The following RASAL2 variants were observed in gnomAD, a reference collection of about 807,000 sequenced individuals.
RASAL2 encodes ras GTPase-activating protein nGAP.
In RASAL2, 58 loss-of-function variants were observed where a neutral mutation model predicts 128.9. The observed-to-expected ratio is 0.45, with a 90% CI of 0.36 to 0.56. RASAL2 has a LOEUF of 0.56. Ranked by LOEUF, RASAL2 falls within the 20% of genes least tolerant of loss-of-function variation. RASAL2 has a pLI of 0.00. For synonymous variants in RASAL2, 561 were observed against 580.8 expected (o/e 0.97, Z 0.49); for missense variants, 1,360 against 1,601.6 (o/e 0.85, Z 2.57).
rs1052577196 is a variant in RASAL2, at chr1:178,190,550, C to T, written c.203-93014C>T. 2.6e-5 allele frequency among the ~76,000 whole-genome samples: 4 copies of T among 152,180 alleles called. No homozygotes were observed. The South Asian group carries it at 8.3e-4, about 32-fold the overall frequency. The stretch of plus-strand genomic sequence containing the variant: ...TCATTGAAATCTAAAAAGAAAGCTG[C>T]TACTGATAAGATTGACAGGAAGGAA... On this transcript the variant is annotated intron_variant, in intron 1 of 17. Transcript: ENST00000367649.
At chr1:178,343,539 A>G (rs139463548) in intron 3 of RASAL2, among the ~76,000 whole-genome samples, 1 of 152,204 alleles carries the variant, frequency 6.6e-6, no homozygotes. Context: ...GTGTGTGTAT[A>G]TTATATGATA....
At chr1:178,236,984 G>A (rs547627482) in intron 1 of RASAL2, among the ~76,000 whole-genome samples, 6 of 151,810 alleles carry the variant, frequency 4.0e-5, no homozygotes, top group Non-Finnish European at 7.4e-5. Context: ...GGCTGGTCTC[G>A]AACTTCTGAT....
chr1:178,450,282 A>G (rs2017349), intron 9 of RASAL2, among the ~76,000 whole-genome samples: 52,664 of 151,972 alleles, frequency 0.35, 12,981 homozygotes, highest in African/African-American at 0.7. Context: ...CTACAGGATG[A>G]TTGCTATTAA....
At chr1:178,460,211 G>T (rs536065921) in intron 14 of RASAL2, among the ~76,000 whole-genome samples, 1 of 152,354 alleles carries the variant, frequency 6.6e-6, no homozygotes, top group East Asian at 1.9e-4. Context: ...ATGAGATCTG[G>T]CAGAGAGGGA....
intron 1 of RASAL2, among the ~76,000 whole-genome samples, chr1:178,268,785 C>T (rs1308592930): frequency 6.6e-6 from 1 of 152,132 alleles, no homozygotes; most frequent in African/African-American, 2.4e-5. Context: ...AAAGATGGCA[C>T]ATAGGCAGAA....
intron 1 of RASAL2, among the ~76,000 whole-genome samples, chr1:178,279,313 T>C (rs1315770178): frequency 6.6e-6 from 1 of 152,168 alleles, no homozygotes; most frequent in African/African-American, 2.4e-5. Flanking sequence ...CACAAACAAC[T>C]AGAAAGTTAC....
intron 1 of RASAL2, among the ~76,000 whole-genome samples, chr1:178,209,208 A>G (rs997366927): frequency 6.6e-6 from 1 of 152,022 alleles, no homozygotes; most frequent in African/African-American, 2.4e-5. Context: ...TGTGTCCATT[A>G]TCTTTTGTCT....
chr1:178,219,959 C>A (rs1433403186), intron 1 of RASAL2, among the ~76,000 whole-genome samples: 2 of 152,074 alleles, frequency 1.3e-5, no homozygotes, highest in South Asian at 2.1e-4. Context: ...TGGCTGGTAC[C>A]CTCCTCTCAG....
chr1:178,113,527 T>A (rs1659415646), intron 1 of RASAL2, among the ~76,000 whole-genome samples: 1 of 137,956 alleles, frequency 7.2e-6, no homozygotes, highest in Non-Finnish European at 1.7e-5. Flanking sequence ...TGTGTGTGTG[T>A]GTGTGTGTGT....
In RASAL2 at chr1:178,165,250, C is replaced by T. The variant is rs184616897; in HGVS notation, c.202+70556C>T. On this transcript the variant is annotated intron_variant, in intron 1 of 17. Transcript: ENST00000367649. ...ATATGTGTATATATGTCTATAGTTA[C>T]ATATGAATGTGTATGTACAGTTAGC... Among the ~76,000 whole-genome samples, 175 of 152,146 alleles carry T rather than the reference C, an allele frequency of 1.2e-3. 1 individual carries two copies. The Middle Eastern group carries it at 0.014, about 12-fold the overall frequency.
chr1:178,347,546 T>C (rs887609606), intron 3 of RASAL2, among the ~76,000 whole-genome samples: 1 of 152,186 alleles, frequency 6.6e-6, no homozygotes, highest in Non-Finnish European at 1.5e-5. Context: ...GATGACCATT[T>C]AGTATATAAC....
intron 1 of RASAL2, among the ~76,000 whole-genome samples, chr1:178,267,437 A>G (rs1442477883): frequency 6.7e-6 from 1 of 148,710 alleles, no homozygotes; most frequent in Non-Finnish European, 1.5e-5. Context: ...TTATTATGCC[A>G]TGCTGAGTAT....
chr1:178,294,731 C>T (rs1667419397), intron 2 of RASAL2, among the ~76,000 whole-genome samples: 1 of 152,188 alleles, frequency 6.6e-6, no homozygotes, highest in African/African-American at 2.4e-5. Context: ...CTGCTGCATA[C>T]TATTTTCCAA....
intron 1 of RASAL2, among the ~76,000 whole-genome samples, chr1:178,255,405 G>T (rs1354471553): frequency 6.6e-6 from 1 of 151,936 alleles, no homozygotes; most frequent in Non-Finnish European, 1.5e-5. Context: ...ATATAGAAAC[G>T]TAATATATCA....
At chr1:178,447,455 C>T (rs978499186) in intron 9 of RASAL2, among the ~76,000 whole-genome samples, 4 of 151,834 alleles carry the variant, frequency 2.6e-5, no homozygotes, top group East Asian at 3.9e-4. Context: ...AGGCCCACCA[C>T]CCAAGGTCAG....
At chr1:178,154,220 C>T (rs1230050396) in intron 1 of RASAL2, among the ~76,000 whole-genome samples, 4 of 151,608 alleles carry the variant, frequency 2.6e-5, no homozygotes, top group Non-Finnish European at 5.9e-5. Context: ...CATCATGGCT[C>T]ACTGCAGCCT....
At chr1:178,208,160 G>C (rs754656397) in intron 1 of RASAL2, among the ~76,000 whole-genome samples, 1 of 152,198 alleles carries the variant, frequency 6.6e-6, no homozygotes, top group Non-Finnish European at 1.5e-5. Flanking sequence ...AGTGCACCTT[G>C]AGGAAGAACA....
chr1:178,441,679 A>T, intron 7 of RASAL2, 32 bp downstream of exon 7: 1 of 1,526,616 alleles, frequency 6.6e-7, no homozygotes. Context: ...TAAAAAATGT[A>T]TAACTTTGTA....
At chr1:178,343,794 A>C (rs1670001864) in intron 3 of RASAL2, among the ~76,000 whole-genome samples, 1 of 151,708 alleles carries the variant, frequency 6.6e-6, no homozygotes, top group South Asian at 2.1e-4. Flanking sequence ...CTTCCGTGTT[A>C]GAAAAAAAAA....
Sources: gnomAD v4.1 joint callset for allele counts (sites outside exome capture counted in the v4.1 genomes callset) on GRCh38, gnomAD v4.1.1 for gene constraint, MANE v1.5 for transcripts, NCBI Gene and HGNC (gene_info 2026-07-23, HGNC 2026-07-21) for gene names.